LUC7L3: variants seen among roughly 807,000 people sequenced by gnomAD.
The protein encoded by LUC7L3 is luc7-like protein 3.
In LUC7L3, 6 loss-of-function variants were observed where a neutral mutation model predicts 66.8. The ratio of observed to expected loss-of-function variants is 0.09; its 90% CI spans 0.05 to 0.18. LUC7L3 has a LOEUF of 0.18. Among genes scored for constraint, LUC7L3 ranks in the 10% least tolerant of loss-of-function variants. The pLI is 1.00. For missense variants in LUC7L3, 341 were observed against 531.1 expected (o/e 0.64, Z 3.52); for synonymous variants, 160 against 174.7 (o/e 0.92, Z 0.66).
chr17:50,754,090 G>C lies in LUC7L3; in HGVS notation c.*3429G>C, dbSNP rs1971066481. The C allele has an allele frequency of 6.6e-6, 1 of 152,170 alleles. No individual in the cohort carries two copies. The highest frequency in any genetic ancestry group is 6.5e-5 in the Admixed American group (1 of 15,274). The allele number at this position is 152,170 out of a possible 1,614,324, so 9.4% of individuals were successfully genotyped here. A position where few individuals can be genotyped will look rare whatever the true frequency, so the allele number is the denominator to read the frequency against. On this transcript the variant is annotated 3_prime_UTR_variant, in exon 10 of 10. Coordinates refer to ENST00000505658, the MANE Select transcript of LUC7L3 (RefSeq NM_016424.5). ...ATCCAGTATTGAGACCAGTTCACTA[G>C]AAGAAACAAACATTTCTGCCATGCA...
rs1237051996 is a variant in LUC7L3, at chr17:50,751,869, C to T, written c.*1208C>T. On this transcript the variant is annotated 3_prime_UTR_variant, in exon 10 of 10. Transcript: ENST00000505658. The stretch of plus-strand genomic sequence containing the variant: ...TTAAAAGTTAGGTACTGTAAGTGTT[C>T]TTAAAACCTGTAAACTTCATTCTGT... 2 of 1,013,732 alleles carry T rather than the reference C, an allele frequency of 2.0e-6. No individual in the cohort carries two copies. Among genetic ancestry groups the T allele is most frequent in the African/African-American group, 1.7e-5 (1 of 57,430 alleles). The allele number at this position is 1,013,732 out of a possible 1,614,324, so 62.8% of individuals were successfully genotyped here.
At chr17:50,724,117 G>C in intron 1 of LUC7L3, 1 of 308,590 alleles carries the variant, frequency 3.2e-6, no homozygotes, top group Non-Finnish European at 6.6e-6. Context: ...AGCAATATTA[G>C]CACATAGTCA....
rs1970938704 is a variant in LUC7L3 at position 50,750,685 on chromosome 17, T to C, written c.*24T>C. On this transcript the variant is annotated 3_prime_UTR_variant, in exon 10 of 10. Transcript: ENST00000505658. ...AAAACTGATCTGATAAGACCTCAGA[T>C]CAGACAGAGGTAAGTGTATTGTTTC... 5.0e-6 allele frequency: 8 copies of C among 1,614,030 alleles called. No individual in the cohort carries two copies. The highest frequency in any genetic ancestry group is 6.8e-6 in the Non-Finnish European group (8 of 1,179,946).
At chr17:50,735,230 CA>C (rs907051149) in intron 1 of LUC7L3, among the ~76,000 whole-genome samples, 228 of 64,966 alleles carry the variant, frequency 3.5e-3, no homozygotes, top group African/African-American at 3.2e-3. Context: ...AACTCTGTCT[CA>C]AAAAAAAAAA....
intron 1 of LUC7L3, chr17:50,723,726 C>T (rs1243612071): frequency 7.3e-6 from 2 of 273,856 alleles, no homozygotes; most frequent in Non-Finnish European, 1.4e-5. Context: ...ATGATCTTGG[C>T]TCACTGCAAC....
intron 2 of LUC7L3, chr17:50,737,564 CATT>C (rs1216041724): frequency 9.3e-6 from 2 of 215,866 alleles, no homozygotes; most frequent in African/African-American, 4.7e-5. Context: ...TCAACCTTGA[CATT>C]GTTGACATTT....
intron 1 of LUC7L3, among the ~76,000 whole-genome samples, chr17:50,734,831 A>AT (rs1448341513): frequency 1.2e-4 from 18 of 152,236 alleles, no homozygotes; most frequent in Non-Finnish European, 4.4e-5. Flanking sequence ...ATTGAAAACA[A>AT]TAAAATGAGT....
intron 1 of LUC7L3, among the ~76,000 whole-genome samples, chr17:50,734,313 A>C (rs536698362): frequency 1.1e-4 from 16 of 152,120 alleles, no homozygotes; most frequent in African/African-American, 3.4e-4. Context: ...GATTATAGGC[A>C]TGCGCCACCA....
chr17:50,738,619 G>A (rs1970147759), intron 2 of LUC7L3, among the ~76,000 whole-genome samples: 1 of 152,080 alleles, frequency 6.6e-6, no homozygotes, highest in South Asian at 2.1e-4. Context: ...TGAAGAAATA[G>A]AACTAAAATC....
intron 2 of LUC7L3, chr17:50,738,336 A>AATT (rs1441682268): frequency 4.7e-6 from 1 of 214,612 alleles, no homozygotes; most frequent in African/African-American, 2.3e-5. Context: ...CTTTTTAAAA[A>AATT]ATTAGTTGCT....
intron 2 of LUC7L3, among the ~76,000 whole-genome samples, chr17:50,739,931 T>TTATA (rs1970238830): frequency 6.6e-6 from 1 of 152,186 alleles, no homozygotes; most frequent in South Asian, 2.1e-4. Flanking sequence ...CTATTTGACT[T>TTATA]TATATACAGA....
intron 7 of LUC7L3, 55 bp from the exon 8 acceptor site, chr17:50,745,665 G>GT (rs1196248763): frequency 7.0e-7 from 1 of 1,427,934 alleles, no homozygotes; most frequent in African/African-American, 1.4e-5. Flanking sequence ...GTTGACCATT[G>GT]TTTAACAATG....
At chr17:50,745,420 A>G (rs1395898149) in intron 7 of LUC7L3, among the ~76,000 whole-genome samples, 1 of 152,218 alleles carries the variant, frequency 6.6e-6, no homozygotes, top group Non-Finnish European at 1.5e-5. Flanking sequence ...CCTCTCATTG[A>G]TATTTTCCTA....
intron 9 of LUC7L3, among the ~76,000 whole-genome samples, chr17:50,750,183 A>G: frequency 6.6e-6 from 1 of 152,104 alleles, no homozygotes; most frequent in East Asian, 1.9e-4. Context: ...TGTCTTTTAT[A>G]CCTTTCCCAG....
intron 1 of LUC7L3, among the ~76,000 whole-genome samples, chr17:50,732,771 C>A (rs552081451): frequency 3.3e-5 from 5 of 152,212 alleles, no homozygotes; most frequent in South Asian, 2.1e-4. Flanking sequence ...AGGTTGCGTT[C>A]TGTCACCCTA....
Position 50,752,309 on chromosome 17 carries a change from G to A in LUC7L3, c.*1648G>A. ...TATAGTGGCATAGAAAAAGTATAAA[G>A]CTCAGTTAGTTTTTTTATTATTATT... On this transcript the variant is annotated 3_prime_UTR_variant, in exon 10 of 10. Transcript: ENST00000505658. 1.0e-6 allele frequency: 1 copy of A among 961,594 alleles called. No homozygotes were observed. 59.6% of individuals were successfully genotyped at this position (961,594 alleles called of 1,614,324 possible).
rs114278079 is a variant in LUC7L3, at chr17:50,723,633, T to C, written c.99+3802T>C. ...TACTATGGAGTAAGATAGAAAAGCA[T>C]TTTCTACCCTGCTCCCTGCCCCCCC... On this transcript the variant is annotated intron_variant, in intron 1 of 9. Coordinates refer to ENST00000505658, the MANE Select transcript of LUC7L3 (RefSeq NM_016424.5). 355 of 174,480 alleles carry C rather than the reference T, an allele frequency of 2.0e-3. 3 individuals carry two copies. Among genetic ancestry groups the C allele is most frequent in the African/African-American group, 8.0e-3 (325 of 40,878 alleles). The allele number at this position is 174,480 out of a possible 1,614,324, so 10.8% of individuals were successfully genotyped here.
At chr17:50,733,352 C>T (rs1177170950) in intron 1 of LUC7L3, among the ~76,000 whole-genome samples, 5 of 151,008 alleles carry the variant, frequency 3.3e-5, no homozygotes, top group African/African-American at 1.2e-4. Context: ...CTGCCTCAGC[C>T]TCCTGAGTGG....
intron 2 of LUC7L3, 85 bp downstream of exon 2, chr17:50,737,111 A>G (rs1485934235): frequency 2.2e-6 from 2 of 930,046 alleles, no homozygotes; most frequent in Non-Finnish European, 3.3e-6. Flanking sequence ...AAAACTGATT[A>G]TAATTCTGTG....
Sources: allele counts gnomAD v4.1 joint callset (sites outside exome capture counted in the v4.1 genomes callset), GRCh38; gene constraint gnomAD v4.1.1; transcripts MANE v1.5; gene names NCBI Gene and HGNC (gene_info 2026-07-23, HGNC 2026-07-21).